The following IQANK1 variants were observed in gnomAD, a reference collection of about 807,000 sequenced individuals.
IQANK1 encodes the protein IQ motif and ankyrin repeat containing 1.
Under a neutral mutation model 22.6 loss-of-function variants are expected in IQANK1, and 30 were observed. The ratio of observed to expected loss-of-function variants is 1.33; its 90% CI spans 0.99 to 1.80. The LOEUF is 1.80. IQANK1 is among the 40% of genes most tolerant of loss of function. IQANK1 has a pLI of 0.00. For missense variants in IQANK1, 275 were observed against 235.2 expected, an observed-to-expected ratio of 1.17 and a Z score of -1.11; for synonymous variants, 122 against 99.6, an observed-to-expected ratio of 1.23 and a Z score of -1.34.
At position 143,774,163 on chromosome 8, in the gene IQANK1, C is replaced by T. The variant is rs1490117590; in HGVS notation, c.789+1681C>T. ...CTTGGAGGGATTCTTGGACATGACA[C>T]AAAAAGCACAATCCAAAAAAAAAAA... On this transcript the variant is annotated intron_variant, in intron 7 of 13. Transcript: ENST00000527139. The surrounding 1 kb of genome is among the most constrained non-coding windows in gnomAD (Gnocchi z 4.2). 2.8e-4 allele frequency among the ~76,000 whole-genome samples: 30 copies of T among 106,170 alleles called. No homozygotes were observed. The highest frequency in any genetic ancestry group is 9.2e-4 in the African/African-American group (29 of 31,624). The allele number at this position is 106,170 out of a possible 152,430, so 69.7% of individuals were successfully genotyped here.
chr8:143,748,967 CATATATAAAT>C (rs1819117938), intron 3 of IQANK1, among the ~76,000 whole-genome samples: 1 of 109,562 alleles, frequency 9.1e-6, no homozygotes, highest in Non-Finnish European at 1.7e-5. Flanking sequence ...AAATATATAT[CATATATAAAT>C]ATATCATATA....
At chr8:143,764,351 C>T (rs1819448446) in intron 3 of IQANK1, among the ~76,000 whole-genome samples, 2 of 151,792 alleles carry the variant, frequency 1.3e-5, no homozygotes, top group Admixed American at 1.3e-4. Context: ...GCAGTGGCTC[C>T]TGCCTTAAAC....
chr8:143,748,057 C>T (rs1381558585), intron 3 of IQANK1, among the ~76,000 whole-genome samples: 1 of 151,380 alleles, frequency 6.6e-6, no homozygotes, highest in Non-Finnish European at 1.5e-5. Context: ...TGCAACAGCA[C>T]AATCTCGGCT....
intron 7 of IQANK1, among the ~76,000 whole-genome samples, chr8:143,788,075 C>T (rs932198216): frequency 2.6e-5 from 4 of 152,328 alleles, no homozygotes; most frequent in South Asian, 4.1e-4. Flanking sequence ...TCTCAGCTAC[C>T]GCCTTGCCTC....
At chr8:143,760,574 T>C (rs1819377321) in intron 3 of IQANK1, 1 of 151,554 alleles carries the variant, frequency 6.6e-6, no homozygotes, top group Admixed American at 6.6e-5. Flanking sequence ...TCCCAGCTTC[T>C]TGGGAGGCTG....
At chr8:143,737,649 G>C (rs1169596869) in intron 2 of IQANK1, among the ~76,000 whole-genome samples, 1 of 152,154 alleles carries the variant, frequency 6.6e-6, no homozygotes, top group African/African-American at 2.4e-5. Flanking sequence ...GGCCTTACCT[G>C]GCCTTGGGTC....
chr8:143,742,893 C>T (rs1050546504), intron 3 of IQANK1: 5 of 456,020 alleles, frequency 1.1e-5, no homozygotes, highest in African/African-American at 1.0e-4. Context: ...CGGGGTCTTT[C>T]TTGCTGGACG....
chr8:143,740,182 C>G (rs1818866743), intron 3 of IQANK1, among the ~76,000 whole-genome samples: 1 of 152,090 alleles, frequency 6.6e-6, no homozygotes, highest in Non-Finnish European at 1.5e-5. Context: ...CCTCCTGGTG[C>G]TCCACCTCCC....
chr8:143,749,042 A>G (rs1231941297), intron 3 of IQANK1, among the ~76,000 whole-genome samples: 13 of 121,936 alleles, frequency 1.1e-4, no homozygotes, highest in Admixed American at 4.9e-4. Context: ...ATAAATATAT[A>G]TCATATATTA....
rs1007607541 is a variant in IQANK1 at position 143,788,910 on chromosome 8, A to C, written c.790-5A>C. 2.5e-6 allele frequency: 1 copy of C among 398,984 alleles called. No homozygotes were observed. The highest frequency in any genetic ancestry group is 4.4e-6 in the Non-Finnish European group (1 of 226,118). The allele number at this position is 398,984 out of a possible 1,614,324, so 24.7% of individuals were successfully genotyped here. A position where few individuals can be genotyped will look rare whatever the true frequency, so the allele number is the denominator to read the frequency against. On this transcript the variant is annotated splice_region_variant and splice_polypyrimidine_tract_variant and intron_variant, in intron 7 of 13. Transcript: ENST00000527139. ...GAGGGCCCGACAAATGTCGTCTGTC[A>C]CTAGGTGGCCTCACTGGACACAGTG...
At chr8:143,736,868 A>T (rs1349141780) in intron 2 of IQANK1, among the ~76,000 whole-genome samples, 1 of 151,410 alleles carries the variant, frequency 6.6e-6, no homozygotes, top group African/African-American at 2.4e-5. Flanking sequence ...GGCTGTGAAC[A>T]CATTCCAGGT....
At chr8:143,776,905 G>A (rs1375099180) in intron 7 of IQANK1, among the ~76,000 whole-genome samples, 1 of 152,108 alleles carries the variant, frequency 6.6e-6, no homozygotes, top group African/African-American at 2.4e-5. Context: ...AGGGTATTGG[G>A]TGGAGTTCTC....
At chr8:143,788,873 G>A (rs1419658585) in intron 7 of IQANK1, 42 bp from the exon 8 acceptor site, 19 of 398,906 alleles carry the variant, frequency 4.8e-5, no homozygotes, top group Admixed American at 8.8e-5. Flanking sequence ...GAGGAGACTC[G>A]GAACACGCAC....
intron 7 of IQANK1, among the ~76,000 whole-genome samples, chr8:143,776,341 AAAAAG>A (rs1308257715): frequency 2.3e-4 from 34 of 149,394 alleles, no homozygotes; most frequent in African/African-American, 7.1e-4. Flanking sequence ...AAAAAAAAAA[AAAAAG>A]AAAAAGAAAA....
At position 143,772,225 on chromosome 8, in the gene IQANK1, C is replaced by T. The variant is rs1464149223; in HGVS notation, c.645C>T (p.Gly215=). ...CCATCCAGCTGCGGGCCGAGCTCGG[C>T]GCCAGCCCCAACAGCAAGGTGGGCG... ...PLAIQLRAEL[G]ASPNSKGAFG... Residue 215 remains glycine (G), a synonymous_variant, in exon 6 of 14, where the codon GGC becomes GGT. Coordinates refer to ENST00000527139, the MANE Select transcript of IQANK1 (RefSeq NM_001381874.1). 29 of 395,438 alleles carry T rather than the reference C, an allele frequency of 7.3e-5. No individual in the cohort carries two copies. Among genetic ancestry groups the T allele is most frequent in the African/African-American group, 3.3e-4 (16 of 48,428 alleles). The allele number at this position is 395,438 out of a possible 1,614,324, so 24.5% of individuals were successfully genotyped here. A position where few individuals can be genotyped will look rare whatever the true frequency, so the allele number is the denominator to read the frequency against.
At position 143,750,067 on chromosome 8, in the gene IQANK1, C is replaced by T. The variant is rs183126672; in HGVS notation, c.175+10119C>T. Reference sequence around the variant, plus strand: ...TTGCCCAGGCTGGAGTGCAATGGCACGTTCTCGGCTCACTGCAACCTCTGC... The same window carrying T: ...TTGCCCAGGCTGGAGTGCAATGGCATGTTCTCGGCTCACTGCAACCTCTGC... On this transcript the variant is annotated intron_variant, in intron 3 of 13. Transcript: ENST00000527139. Among the ~76,000 whole-genome samples, 379 of 151,394 alleles carry T rather than the reference C, an allele frequency of 2.5e-3. 2 individuals carry two copies. The highest frequency in any genetic ancestry group is 8.8e-3 in the African/African-American group (363 of 41,222).
At chr8:143,786,892 CCT>C (rs1340802192) in intron 7 of IQANK1, among the ~76,000 whole-genome samples, 3 of 152,128 alleles carry the variant, frequency 2.0e-5, no homozygotes, top group African/African-American at 7.2e-5. Context: ...GGAAGGAGCC[CCT>C]GTGGCTGCCA....
chr8:143,759,156 T>C, intron 3 of IQANK1: 1 of 279,382 alleles, frequency 3.6e-6, no homozygotes, highest in Non-Finnish European at 6.9e-6. Context: ...AGCTCCTGGC[T>C]GGGCTGCAGG....
chr8:143,770,784 G>T (rs1819556693), intron 3 of IQANK1, among the ~76,000 whole-genome samples: 1 of 152,262 alleles, frequency 6.6e-6, no homozygotes, highest in African/African-American at 2.4e-5. Context: ...CGCCACAAGC[G>T]CCCCATTGCT....
Sources: gnomAD v4.1 joint callset for allele counts (sites outside exome capture counted in the v4.1 genomes callset) on GRCh38, gnomAD v4.1.1 for gene constraint, Gnocchi (gnomAD v3.1) non-coding constraint, MANE v1.5 for transcripts, NCBI Gene and HGNC (gene_info 2026-07-23, HGNC 2026-07-21) for gene names.